MYC: variants seen among roughly 807,000 people sequenced by gnomAD.
MYC encodes the protein MYC proto-oncogene, bHLH transcription factor.
MYC carries 1 observed loss-of-function variant against 30.5 expected under a neutral mutation model. The observed-to-expected ratio is 0.03, with a 90% CI of 0.01 to 0.16. The LOEUF (loss-of-function observed/expected upper bound fraction) is 0.16. Ranked by LOEUF, MYC falls within the 10% of genes least tolerant of loss-of-function variation. The pLI is 1.00. For synonymous variants in MYC, 267 were observed against 250.7 expected, an observed-to-expected ratio of 1.07 and a Z score of -0.62; for missense variants, 508 against 589.0, an observed-to-expected ratio of 0.86 and a Z score of 1.42.
intron 1 of MYC, among the ~76,000 whole-genome samples, chr8:127,737,833 G>C (rs1813625888): frequency 6.6e-6 from 1 of 152,200 alleles, no homozygotes; most frequent in Non-Finnish European, 1.5e-5. Flanking sequence ...GCGCCCAGGC[G>C]CCTCTCGCCT....
At chr8:127,735,885 C>A, upstream of MYC, 1 of 399,058 alleles carries the variant, frequency 2.5e-6, no homozygotes, top group South Asian at 1.3e-4. Flanking sequence ...TGTTTACATC[C>A]TAGAGCTAGA....
At chr8:127,735,732 G>A (rs1477616929), upstream of MYC, 4 of 399,064 alleles carry the variant, frequency 1.0e-5, no homozygotes, top group Non-Finnish European at 1.8e-5. Flanking sequence ...TGTTCCGCCT[G>A]CGATGATTTA....
upstream of MYC, chr8:127,735,773 A>G: frequency 5.0e-6 from 2 of 399,140 alleles, no homozygotes; most frequent in Non-Finnish European, 8.8e-6. Flanking sequence ...GGTTTGTCAA[A>G]CAGTACTGCT....
Position 127,742,826 on chromosome 8 carries a change from A to G in MYC, c.*1868A>G, listed in dbSNP as rs981434654. ...GAAATGATGTTGATTATATAGGTAA[A>G]TGAAGGATGCTATTGCTGTTCTAAT... On this transcript the variant is annotated 3_prime_UTR_variant, in exon 3 of 3. Transcript: ENST00000621592. 2.0e-5 allele frequency among the ~76,000 whole-genome samples: 3 copies of G among 152,206 alleles called. No homozygotes were observed. Among genetic ancestry groups the G allele is most frequent in the African/African-American group, 7.2e-5 (3 of 41,438 alleles).
At chr8:127,736,963 G>C (rs1813602472) in intron 1 of MYC, among the ~76,000 whole-genome samples, 1 of 152,250 alleles carries the variant, frequency 6.6e-6, no homozygotes, top group South Asian at 2.1e-4. Flanking sequence ...GTTTTGGGGG[G>C]CTGGGGGTTG....
In MYC at chr8:127,741,772, T is replaced by TGTTACTTTA. The variant is rs1813716422; in HGVS notation, c.*819_*827dup. On this transcript the variant is annotated 3_prime_UTR_variant, in exon 3 of 3. Coordinates refer to ENST00000621592, the MANE Select transcript of MYC (RefSeq NM_002467.6). ...GGGAGGAAGGTGAGGAAGAAACTCC[T>TGTTACTTTA]GTTACTTTAGTTAACCAGTGCCAGT... Among the ~76,000 whole-genome samples, 1 of 152,174 alleles carries TGTTACTTTA rather than the reference T, an allele frequency of 6.6e-6. No homozygotes were observed. Among genetic ancestry groups the TGTTACTTTA allele is most frequent in the Non-Finnish European group, 1.5e-5 (1 of 68,032 alleles).
At chr8:127,737,980 T>A (rs1215341063) in intron 1 of MYC, among the ~76,000 whole-genome samples, 1 of 152,148 alleles carries the variant, frequency 6.6e-6, no homozygotes, top group Non-Finnish European at 1.5e-5. Context: ...TCCCGGGCTT[T>A]GCGCTCCGGG....
rs565975495 is a variant in MYC at position 127,742,488 on chromosome 8, ATTTAT to A, written c.*1534_*1538del. Among the ~76,000 whole-genome samples the A allele has an allele frequency of 4.8e-3, 723 of 151,980 alleles. 3 individuals are homozygous for A. The highest frequency in any genetic ancestry group is 8.2e-3 in the Non-Finnish European group (557 of 67,934). On this transcript the variant is annotated 3_prime_UTR_variant, in exon 3 of 3. Coordinates refer to ENST00000621592, the MANE Select transcript of MYC (RefSeq NM_002467.6). ...AGGCATCAGTTCCCCTTTTTTTGTG[ATTTAT>A]TTTGTTTTTATTTTGTTGTTCATTG...
chr8:127,742,664 A>G lies in MYC; in HGVS notation c.*1706A>G, dbSNP rs775454005. 6.6e-6 allele frequency among the ~76,000 whole-genome samples: 1 copy of G among 152,178 alleles called. No individual in the cohort carries two copies. The highest frequency in any genetic ancestry group is 1.5e-5 in the Non-Finnish European group (1 of 68,032). ...TTTATTCTTTGTCATGGGAGTCATT[A>G]TTTTAGAAACTACAAACTCTCCTTG... On this transcript the variant is annotated 3_prime_UTR_variant, in exon 3 of 3. Coordinates refer to ENST00000621592, the MANE Select transcript of MYC (RefSeq NM_002467.6).
rs1418082464 is a variant in MYC at position 127,742,181 on chromosome 8, T to C, written c.*1223T>C. Among the ~76,000 whole-genome samples, 4 of 152,240 alleles carry C rather than the reference T, an allele frequency of 2.6e-5. No individual in the cohort carries two copies. The highest frequency in any genetic ancestry group is 5.9e-5 in the Non-Finnish European group (4 of 68,038). Reference sequence around the variant, plus strand: ...GCTCTATTTGTGTCCCAAGCACTCCTAAGCATTTTATCCCTAACTCTACAT... The same window carrying C: ...GCTCTATTTGTGTCCCAAGCACTCCCAAGCATTTTATCCCTAACTCTACAT... On this transcript the variant is annotated 3_prime_UTR_variant, in exon 3 of 3. Transcript: ENST00000621592.
In MYC at chr8:127,740,988, CAG is replaced by C; in HGVS notation, c.*32_*33del. On this transcript the variant is annotated 3_prime_UTR_variant, in exon 3 of 3. Transcript: ENST00000621592. Reference sequence around the variant, plus strand: ...AAGTAAGGAAAACGATTCCTTCTAACAGAAATGTCCTGAGCAATCACCTATGA... The same window carrying C: ...AAGTAAGGAAAACGATTCCTTCTAACAAATGTCCTGAGCAATCACCTATGA... 1 of 1,517,624 alleles carries C rather than the reference CAG, an allele frequency of 6.6e-7. No individual in the cohort carries two copies. Among genetic ancestry groups the C allele is most frequent in the Non-Finnish European group, 8.8e-7 (1 of 1,137,570 alleles). The allele number at this position is 1,517,624 out of a possible 1,614,324, so 94.0% of individuals were successfully genotyped here.
rs1638474512 is a variant in MYC, at chr8:127,738,942, C to T, written c.725C>T (p.Thr242Met). Residue 242 changes from threonine (T) to methionine (M), a missense_variant, in exon 2 of 3, where the codon ACG becomes ATG. Physicochemically the swap from Thr to Met is moderately conservative, Grantham distance 81. Coordinates refer to ENST00000621592, the MANE Select transcript of MYC (RefSeq NM_002467.6). The surrounding 1 kb of genome is among the most constrained non-coding windows in gnomAD (Gnocchi z 7.6). ...TCCTCGGATTCTCTGCTCTCCTCGA[C>T]GGAGTCCTCCCCGCAGGGCAGCCCC... 1.9e-6 allele frequency: 3 copies of T among 1,600,008 alleles called. No individual in the cohort carries two copies. The highest frequency in any genetic ancestry group is 1.7e-5 in the Admixed American group (1 of 59,220).
At position 127,736,339 on chromosome 8, in the gene MYC, A is replaced by T. The variant is rs1254295504; in HGVS notation, c.-255A>T. On this transcript the variant is annotated 5_prime_UTR_variant, in exon 1 of 3. Transcript: ENST00000621592. ...CGCTGCGGGCGTCCTGGGAAGGGAG[A>T]TCCGGAGCGAATAGGGGGCTTCGCC... 1.7e-6 allele frequency: 1 copy of T among 592,286 alleles called. No homozygotes were observed. Among genetic ancestry groups the T allele is most frequent in the Non-Finnish European group, 3.0e-6 (1 of 333,746 alleles). The allele number at this position is 592,286 out of a possible 1,614,324, so 36.7% of individuals were successfully genotyped here.
Position 127,742,395 on chromosome 8 carries a change from T to C in MYC, c.*1437T>C, listed in dbSNP as rs1813725982. Among the ~76,000 whole-genome samples, 1 of 152,278 alleles carries C rather than the reference T, an allele frequency of 6.6e-6. No individual in the cohort carries two copies. The highest frequency in any genetic ancestry group is 1.5e-5 in the Non-Finnish European group (1 of 68,048). ...CAGACGACGGTAGGAATCAGCTGGCTGCTTGTGAGTACAGGAGTTACAGTC... is the reference window on the plus strand; with the variant it reads ...CAGACGACGGTAGGAATCAGCTGGCCGCTTGTGAGTACAGGAGTTACAGTC... On this transcript the variant is annotated 3_prime_UTR_variant, in exon 3 of 3. Transcript: ENST00000621592.
rs147506213 is a variant in MYC, at chr8:127,738,914, C to G, written c.697C>G (p.Pro233Ala). The G allele has an allele frequency of 5.0e-6, 8 of 1,610,168 alleles. No homozygotes were observed. The South Asian group carries it at 7.7e-5, about 15-fold the overall frequency. ...CTCGCAAGACTCCAGCGCCTTCTCT[C>G]CGTCCTCGGATTCTCTGCTCTCCTC... Residue 233 changes from proline (P) to alanine (A), a missense_variant, in exon 2 of 3, where the codon CCG (proline) becomes GCG (alanine). Physicochemically the swap from Pro to Ala is conservative, Grantham distance 27. Transcript: ENST00000621592. This position sits in a 1 kb window ranked among gnomAD's most constrained non-coding sequence, Gnocchi z 7.6.
intron 1 of MYC, among the ~76,000 whole-genome samples, 196 bp downstream of exon 1, chr8:127,736,819 G>A (rs1813599773): frequency 6.6e-6 from 1 of 152,156 alleles, no homozygotes; most frequent in African/African-American, 2.4e-5. Flanking sequence ...TGTCAAGATG[G>A]GAGAGGAGAA....
chr8:127,740,227 A>G (rs1473438985), intron 2 of MYC, among the ~76,000 whole-genome samples, 169 bp from the exon 3 acceptor site: 1 of 152,180 alleles, frequency 6.6e-6, no homozygotes, highest in African/African-American at 2.4e-5. Flanking sequence ...TGCTGGGATT[A>G]CAGGTGTGAG....
chr8:127,740,742 C>T lies in MYC; in HGVS notation c.1149C>T (p.Asn383=), dbSNP rs188286537. ...ACGTCTTGGAGCGCCAGAGGAGGAA[C>T]GAGCTAAAACGGAGCTTTTTTGCCC... Residue 383 remains asparagine (N), a synonymous_variant, in exon 3 of 3, where the codon AAC becomes AAT. Transcript: ENST00000621592. The T allele has an allele frequency of 6.2e-7, 1 of 1,614,008 alleles. No homozygotes were observed.
At chr8:127,735,864 C>T, upstream of MYC, 1 of 398,546 alleles carries the variant, frequency 2.5e-6, no homozygotes, top group Non-Finnish European at 4.4e-6. Flanking sequence ...ATTCATGCGG[C>T]TCTCTTACTC....
Sources: allele counts gnomAD v4.1 joint callset (sites outside exome capture counted in the v4.1 genomes callset), GRCh38; gene constraint gnomAD v4.1.1; non-coding constraint Gnocchi (gnomAD v3.1); transcripts MANE v1.5; gene names NCBI Gene and HGNC (gene_info 2026-07-23, HGNC 2026-07-21).